The following PARN variants were observed in gnomAD, a reference collection of about 807,000 sequenced individuals.
PARN encodes poly(A)-specific ribonuclease PARN.
In PARN, 71 loss-of-function variants were observed where a neutral mutation model predicts 102.8. That is an observed-to-expected ratio of 0.69 (90% confidence interval 0.57 to 0.84). PARN has a LOEUF of 0.84. Among genes scored for constraint, PARN ranks in the 40% least tolerant of loss-of-function variants. The pLI, the probability that PARN is intolerant of heterozygous loss-of-function variation, is 0.00. For synonymous variants in PARN, 261 were observed against 252.9 expected (o/e 1.03, Z -0.30); for missense variants, 782 against 760.9 (o/e 1.03, Z -0.33).
At chr16:14,565,334 C>G (rs1156445096) in intron 18 of PARN, among the ~76,000 whole-genome samples, 1 of 149,020 alleles carries the variant, frequency 6.7e-6, no homozygotes, top group African/African-American at 2.5e-5. Flanking sequence ...GCTGTTTTGA[C>G]AAATAGAGCG....
intron 21 of PARN, among the ~76,000 whole-genome samples, chr16:14,503,703 G>C (rs897997208): frequency 6.6e-6 from 1 of 152,204 alleles, no homozygotes; most frequent in African/African-American, 2.4e-5. Context: ...CTGCCTCAGG[G>C]TGGTAGCTAT....
chr16:14,542,374 T>C (rs1053310535), intron 21 of PARN, among the ~76,000 whole-genome samples: 5 of 149,536 alleles, frequency 3.3e-5, no homozygotes, highest in African/African-American at 1.2e-4. Flanking sequence ...CAGGCTGGAG[T>C]GGAGTGGTAC....
chr16:14,507,844 A>G (rs1398421148), intron 21 of PARN, among the ~76,000 whole-genome samples: 2 of 152,262 alleles, frequency 1.3e-5, no homozygotes, highest in Non-Finnish European at 2.9e-5. Flanking sequence ...TTGAGTAAAT[A>G]AATTATGGCA....
chr16:14,618,441 T>C (rs1972066137), intron 5 of PARN, among the ~76,000 whole-genome samples: 1 of 146,380 alleles, frequency 6.8e-6, no homozygotes. Flanking sequence ...TGAGCCGAGA[T>C]CATGCCACTG....
intron 18 of PARN, among the ~76,000 whole-genome samples, chr16:14,571,667 C>T (rs146142360): frequency 5.5e-4 from 84 of 152,306 alleles, no homozygotes; most frequent in African/African-American, 1.8e-3. Context: ...GTCACCACAG[C>T]AGTGACAGCA....
chr16:14,610,707 G>T lies in PARN; in HGVS notation c.491C>A (p.Pro164His), dbSNP rs761183697. The change falls in exon 7 of 24, where the codon CCT (proline) becomes CAT (histidine). Residue 164 changes from proline (P) to histidine (H), a missense_variant. Transcript: ENST00000437198. ...NGAGALSYVS[P>H]NTSKCPVTIP... ...CGTGACAGGACATTTTGAAGTGTTA[G>T]GAGATACATAGGACAGAGCTCCTGC... The T allele has an allele frequency of 6.2e-7, 1 of 1,608,870 alleles. No homozygotes were observed. The highest frequency in any genetic ancestry group is 1.3e-5 in the African/African-American group (1 of 74,810).
intron 21 of PARN, among the ~76,000 whole-genome samples, chr16:14,488,229 G>A (rs76795270): frequency 0.032 from 4,805 of 152,250 alleles, 114 homozygotes; most frequent in East Asian, 0.057. Flanking sequence ...ACACCATGCC[G>A]AAAAATTCAC....
At chr16:14,518,930 C>G (rs1483546811) in intron 21 of PARN, among the ~76,000 whole-genome samples, 1 of 152,134 alleles carries the variant, frequency 6.6e-6, no homozygotes, top group Admixed American at 6.5e-5. Context: ...AGCTATCAGA[C>G]TGTGCACCCC....
In PARN at chr16:14,447,467, A is replaced by T. The variant is rs141683068; in HGVS notation, c.1671-386T>A. On this transcript the variant is annotated intron_variant, in intron 22 of 23. Coordinates refer to ENST00000437198, the MANE Select transcript of PARN (RefSeq NM_002582.4). ...TTACATTAAATCAGAAGATAGCATT[A>T]TTCTCTTCATGACTGCCTAATGCAT... Among the ~76,000 whole-genome samples, 150 of 152,362 alleles carry T rather than the reference A, an allele frequency of 9.8e-4. 1 individual carries two copies. In the East Asian group the frequency reaches 0.015, roughly 15 times the overall value.
Position 14,627,237 on chromosome 16 carries a change from CG to C in PARN, c.245+31del, listed in dbSNP as rs901494786. The C allele has an allele frequency of 4.4e-6, 7 of 1,581,730 alleles. No individual in the cohort carries two copies. The African/African-American group carries it at 6.7e-5, about 15-fold the overall frequency. On this transcript the variant is annotated intron_variant, in intron 4 of 23. Coordinates refer to ENST00000437198, the MANE Select transcript of PARN (RefSeq NM_002582.4). Reference sequence around the variant, plus strand: ...AGGAGGTGACATTGTGCCACAAAAACGGAATTCCCAACGTTTGTTAACACAA... The same window carrying C: ...AGGAGGTGACATTGTGCCACAAAAACGAATTCCCAACGTTTGTTAACACAA...
rs1002386247 is a variant in PARN at position 14,485,967 on chromosome 16, C to T, written c.1481-3140G>A. On this transcript the variant is annotated intron_variant, in intron 21 of 23. Coordinates refer to ENST00000437198, the MANE Select transcript of PARN (RefSeq NM_002582.4). The stretch of plus-strand genomic sequence containing the variant: ...CCTCTCAAAGTGCTGGGATTATGGG[C>T]GTGAGCCACCGTGCCTGGCCTGGCT... Among the ~76,000 whole-genome samples, 6 of 152,100 alleles carry T rather than the reference C, an allele frequency of 3.9e-5. No homozygotes were observed. The East Asian group carries it at 9.7e-4, about 25-fold the overall frequency.
chr16:14,452,840 T>G (rs1961522483), intron 22 of PARN, among the ~76,000 whole-genome samples: 1 of 152,222 alleles, frequency 6.6e-6, no homozygotes, highest in African/African-American at 2.4e-5. Context: ...TGTGATTATA[T>G]CCCATATAAC....
In PARN at chr16:14,598,454, C is replaced by T. The variant is rs558275508; in HGVS notation, c.840+1450G>A. ...ATGACGGCTACAAAAGAGCTCAAAA[C>T]CAACTTATGTTCCGTATCTCTGAAT... On this transcript the variant is annotated intron_variant, in intron 12 of 23. Transcript: ENST00000437198. 2.0e-5 allele frequency among the ~76,000 whole-genome samples: 3 copies of T among 152,268 alleles called. No individual in the cohort carries two copies. The South Asian group carries it at 6.2e-4, about 32-fold the overall frequency.
chr16:14,436,881 G>C, intron 23 of PARN, 109 bp from the exon 24 acceptor site: 1 of 789,632 alleles, frequency 1.3e-6, no homozygotes, highest in Non-Finnish European at 2.1e-6. Context: ...CTGCAGACGG[G>C]GCCAGCGTCT....
chr16:14,512,215 G>A (rs1474662929), intron 21 of PARN, among the ~76,000 whole-genome samples: 1 of 152,018 alleles, frequency 6.6e-6, no homozygotes, highest in Non-Finnish European at 1.5e-5. Context: ...ATTAATAATC[G>A]TCCTGGCCGG....
At chr16:14,438,595 C>G (rs760308198) in intron 23 of PARN, among the ~76,000 whole-genome samples, 1 of 152,156 alleles carries the variant, frequency 6.6e-6, no homozygotes, top group Non-Finnish European at 1.5e-5. Flanking sequence ...TTGAACAGGT[C>G]TCACTGCTTC....
chr16:14,623,096 T>C (rs1257456051), intron 5 of PARN, among the ~76,000 whole-genome samples: 1 of 145,680 alleles, frequency 6.9e-6, no homozygotes, highest in Non-Finnish European at 1.5e-5. Context: ...AGAGACTCTG[T>C]CTCCAAAAAA....
intron 13 of PARN, among the ~76,000 whole-genome samples, chr16:14,592,628 C>G (rs990711456): frequency 3.3e-5 from 5 of 152,112 alleles, no homozygotes; most frequent in Non-Finnish European, 5.9e-5. Context: ...CTAGCAAGGG[C>G]GATCAAGAAT....
intron 18 of PARN, among the ~76,000 whole-genome samples, chr16:14,559,395 C>T (rs887005497): frequency 6.7e-6 from 1 of 150,296 alleles, no homozygotes; most frequent in African/African-American, 2.4e-5. Context: ...TCAGCTAAAA[C>T]ACTCAAAAGA....
Sources: allele counts gnomAD v4.1 joint callset (sites outside exome capture counted in the v4.1 genomes callset), GRCh38; gene constraint gnomAD v4.1.1; transcripts MANE v1.5; gene names NCBI Gene and HGNC (gene_info 2026-07-23, HGNC 2026-07-21).